FYN: variants seen among roughly 807,000 people sequenced by gnomAD.
The protein encoded by FYN is FYN proto-oncogene, Src family tyrosine kinase, also known as tyrosine-protein kinase Fyn.
In FYN, 10 loss-of-function variants were observed where a neutral mutation model predicts 70.2. That is an observed-to-expected ratio of 0.14 (90% CI 0.09 to 0.24). The LOEUF is 0.24. FYN is among the 10% of genes least tolerant of loss of function. FYN has a pLI of 1.00. For synonymous variants in FYN, 236 were observed against 248.6 expected (o/e 0.95, Z 0.48); for missense variants, 319 against 673.1 (o/e 0.47, Z 5.82).
At chr6:111,827,299 G>C (rs1209459962) in intron 2 of FYN, among the ~76,000 whole-genome samples, 4 of 152,184 alleles carry the variant, frequency 2.6e-5, no homozygotes, top group Admixed American at 1.3e-4. Context: ...TTAAGAAGCT[G>C]AGTGTTCTAT....
At chr6:111,781,283 C>T (rs1471806155) in intron 2 of FYN, among the ~76,000 whole-genome samples, 1 of 152,154 alleles carries the variant, frequency 6.6e-6, no homozygotes. Context: ...CACTGCAAAC[C>T]TTGGCCCAGT....
At chr6:111,731,096 C>T (rs577185811) in intron 3 of FYN, among the ~76,000 whole-genome samples, 22 of 152,282 alleles carry the variant, frequency 1.4e-4, no homozygotes, top group African/African-American at 5.1e-4. Flanking sequence ...TCCCCAAGTA[C>T]GAGGACCGCT....
At chr6:111,869,650 TC>T (rs978332021) in intron 1 of FYN, among the ~76,000 whole-genome samples, 11 of 152,186 alleles carry the variant, frequency 7.2e-5, no homozygotes, top group African/African-American at 2.7e-4. Context: ...CACCTCAGCC[TC>T]CCAAAGTGCT....
intron 3 of FYN, among the ~76,000 whole-genome samples, chr6:111,730,248 G>A (rs1190892071): frequency 2.6e-5 from 4 of 152,168 alleles, no homozygotes; most frequent in Admixed American, 1.3e-4. Flanking sequence ...TTAAGGGCAC[G>A]AAAAAGGCAA....
chr6:111,691,719 G>A (rs973296867), intron 12 of FYN, among the ~76,000 whole-genome samples: 1 of 152,162 alleles, frequency 6.6e-6, no homozygotes, highest in Non-Finnish European at 1.5e-5. Context: ...ACTAGAAGGT[G>A]CTCCTTAAAA....
chr6:111,777,947 T>C (rs114456589), intron 3 of FYN, among the ~76,000 whole-genome samples: 4,871 of 152,272 alleles, frequency 0.032, 256 homozygotes, highest in African/African-American at 0.11. Flanking sequence ...TCCCTACTTT[T>C]AGGAGCTCCT....
chr6:111,711,873 T>C (rs1048651220), intron 5 of FYN, among the ~76,000 whole-genome samples: 3 of 152,190 alleles, frequency 2.0e-5, no homozygotes, highest in Admixed American at 1.3e-4. Context: ...TTCTATAACC[T>C]TGAGAAAGGG....
intron 1 of FYN, among the ~76,000 whole-genome samples, chr6:111,865,185 CAAT>C (rs1774070072): frequency 6.6e-6 from 1 of 152,178 alleles, no homozygotes; most frequent in Non-Finnish European, 1.5e-5. Flanking sequence ...AATAGGTACT[CAAT>C]ACATATTTGC....
chr6:111,739,489 CT>C (rs1425229561), intron 3 of FYN, among the ~76,000 whole-genome samples: 1 of 152,244 alleles, frequency 6.6e-6, no homozygotes, highest in Admixed American at 6.5e-5. Context: ...GAGCTGCCTG[CT>C]GCCTGCCCAG....
chr6:111,760,911 C>T (rs1036419124), intron 3 of FYN, among the ~76,000 whole-genome samples: 6 of 152,236 alleles, frequency 3.9e-5, no homozygotes, highest in African/African-American at 1.4e-4. Flanking sequence ...CCTTTCTGGA[C>T]TGCTGACCAC....
Position 111,702,922 on chromosome 6 carries a change from C to A in FYN, c.660G>T (p.Gln220His). Residue 220 changes from glutamine (Q) to histidine (H), a missense_variant, in exon 8 of 14, where the codon CAG becomes CAT. By Grantham distance (24) the Gln-to-His change is conservative (BLOSUM62 0). Around this residue, in one of 4 missense-constraint regions of FYN, gnomAD observed 112 missense variants for 250.2 expected, o/e 0.45. Transcript: ENST00000354650. Reference sequence around the variant, plus strand: ...GTACAAGCTGCTGAAGTGTTTCAAACTGGGCCCGGGTGGTAATGTAGTATC... The same window carrying A: ...GTACAAGCTGCTGAAGTGTTTCAAAATGGGCCCGGGTGGTAATGTAGTATC... Reference protein sequence around the residue: ...NGGYYITTRAQFETLQQLVQH... With the variant: ...NGGYYITTRAHFETLQQLVQH... 6.2e-7 allele frequency: 1 copy of A among 1,614,134 alleles called. No homozygotes were observed. Among genetic ancestry groups the A allele is most frequent in the Non-Finnish European group, 8.5e-7 (1 of 1,180,008 alleles).
At chr6:111,810,337 G>A (rs1772284030) in intron 2 of FYN, among the ~76,000 whole-genome samples, 1 of 152,172 alleles carries the variant, frequency 6.6e-6, no homozygotes, top group African/African-American at 2.4e-5. Flanking sequence ...CCTTCACTGA[G>A]AGTATCCCAG....
intron 13 of FYN, among the ~76,000 whole-genome samples, chr6:111,669,461 G>A (rs375509912): frequency 0.014 from 1,145 of 81,080 alleles, 1 homozygote; most frequent in Middle Eastern, 0.047. Context: ...AAAAAAAAAA[G>A]AAAGTGTTCC....
chr6:111,669,330 G>C (rs1418681004), intron 13 of FYN, among the ~76,000 whole-genome samples: 1 of 150,246 alleles, frequency 6.7e-6, no homozygotes, highest in African/African-American at 2.4e-5. Context: ...AGCTTCTTGG[G>C]AGGCTGAGGC....
chr6:111,701,831 A>T (rs1799853583), intron 8 of FYN, among the ~76,000 whole-genome samples: 1 of 152,236 alleles, frequency 6.6e-6, no homozygotes, highest in African/African-American at 2.4e-5. Flanking sequence ...AAACCGAGTT[A>T]GCCAATGCCA....
At chr6:111,836,459 A>T (rs959349796) in intron 2 of FYN, among the ~76,000 whole-genome samples, 12 of 152,138 alleles carry the variant, frequency 7.9e-5, no homozygotes, top group Non-Finnish European at 1.6e-4. Flanking sequence ...AACAACAACA[A>T]CAACAACAAC....
intron 2 of FYN, among the ~76,000 whole-genome samples, chr6:111,822,220 G>A (rs1455740330): frequency 6.6e-6 from 1 of 152,098 alleles, no homozygotes; most frequent in Admixed American, 6.5e-5. Context: ...GTAAAGAGTT[G>A]GAACCAACCC....
chr6:111,721,049 C>T (rs557590112), intron 3 of FYN, among the ~76,000 whole-genome samples: 37 of 152,314 alleles, frequency 2.4e-4, no homozygotes, highest in African/African-American at 7.2e-4. Context: ...TTCCCCCACC[C>T]GCTTCGGGCC....
At chr6:111,696,731 G>A in intron 9 of FYN, 1 of 299,172 alleles carries the variant, frequency 3.3e-6, no homozygotes, top group Non-Finnish European at 6.2e-6. Flanking sequence ...TCTTTTTTTG[G>A]CTCAGTCATA....
Sources: allele counts gnomAD v4.1 joint callset (sites outside exome capture counted in the v4.1 genomes callset), GRCh38; gene constraint gnomAD v4.1.1; regional missense constraint gnomAD v4.1.1; transcripts MANE v1.5; gene names NCBI Gene and HGNC (gene_info 2026-07-23, HGNC 2026-07-21).